The following COL1A2 variants were observed in gnomAD, a reference collection of about 807,000 sequenced individuals.
COL1A2 encodes collagen alpha-2(I) chain.
A neutral mutation model predicts 174.3 loss-of-function variants in COL1A2; 49 were observed. The ratio of observed to expected loss-of-function variants is 0.28; its 90% CI spans 0.22 to 0.36. The LOEUF (loss-of-function observed/expected upper bound fraction) is 0.36. Ranked by LOEUF, COL1A2 falls within the 10% of genes least tolerant of loss-of-function variation. COL1A2 has a pLI of 1.00. For missense variants in COL1A2, 1,438 were observed against 1,822.7 expected, an observed-to-expected ratio of 0.79 and a Z score of 3.84; for synonymous variants, 655 against 606.6, an observed-to-expected ratio of 1.08 and a Z score of -1.17.
Position 94,430,477 on chromosome 7 carries a change from G to A in COL1A2, c.*84G>A. On this transcript the variant is annotated 3_prime_UTR_variant, in exon 52 of 52. Coordinates refer to ENST00000297268, the MANE Select transcript of COL1A2 (RefSeq NM_000089.4). ...TCTTCTTCTTCTTTTTTAACTGAAA[G>A]CTGAATCCTTCCATTTCTTCTGCAC... The A allele has an allele frequency of 1.7e-5, 24 of 1,416,020 alleles. No homozygotes were observed. The highest frequency in any genetic ancestry group is 2.4e-5 in the Non-Finnish European group (24 of 1,016,412). 87.7% of individuals were successfully genotyped at this position (1,416,020 alleles called of 1,614,324 possible).
At chr7:94,424,477 A>G (rs1220377152) in intron 41 of COL1A2, 34 bp downstream of exon 41, 3 of 1,581,202 alleles carry the variant, frequency 1.9e-6, no homozygotes, top group Admixed American at 1.7e-5. Context: ...CTCCATTAAC[A>G]TAAGAAAAGA....
intron 50 of COL1A2, 135 bp from the exon 51 acceptor site, chr7:94,429,053 G>GT: frequency 1.4e-6 from 1 of 730,904 alleles, no homozygotes; most frequent in Non-Finnish European, 2.2e-6. Context: ...TTCTTTAAAA[G>GT]TACCCTTTTC....
Position 94,408,763 on chromosome 7 carries a change from A to G in COL1A2, c.739-7A>G. On this transcript the variant is annotated splice_region_variant and splice_polypyrimidine_tract_variant and intron_variant, in intron 15 of 51. Coordinates refer to ENST00000297268, the MANE Select transcript of COL1A2 (RefSeq NM_000089.4). ...AAATTTCTTACCACCTTCTGCTTTG[A>G]TTTCAGGGTCCCATTGGGTCTGCTG... 6.2e-7 allele frequency: 1 copy of G among 1,613,546 alleles called. No homozygotes were observed. Among genetic ancestry groups the G allele is most frequent in the South Asian group, 1.1e-5 (1 of 91,050 alleles).
Position 94,413,080 on chromosome 7 carries a change from T to C in COL1A2, c.1504-3T>C. On this transcript the variant is annotated splice_region_variant and splice_polypyrimidine_tract_variant and intron_variant, in intron 25 of 51. Transcript: ENST00000297268. ...TTTGTTTTGTTTTTCATTTTTACTCTAGGGTGATCCTGGCAAAAACGGTGA... is the reference window on the plus strand; with the variant it reads ...TTTGTTTTGTTTTTCATTTTTACTCCAGGGTGATCCTGGCAAAAACGGTGA... 6.2e-7 allele frequency: 1 copy of C among 1,614,086 alleles called. No individual in the cohort carries two copies. The highest frequency in any genetic ancestry group is 8.5e-7 in the Non-Finnish European group (1 of 1,179,926).
chr7:94,414,257 T>C lies in COL1A2; in HGVS notation c.1701T>C (p.Val567=), dbSNP rs1308326487. 1 of 1,614,202 alleles carries C rather than the reference T, an allele frequency of 6.2e-7. No homozygotes were observed. Among genetic ancestry groups the C allele is most frequent in the Admixed American group, 1.7e-5 (1 of 60,032 alleles). ...GCCCCTCAGGTCCCGCTGGTGAAGT[T>C]GGCAAACCAGGAGAAAGGGTGAGTA... The part of the protein sequence containing the change: ...LPGPSGPAGE[V]GKPGERGLHG... The change falls in exon 29 of 52, where the codon GTT becomes GTC. Residue 567 remains valine (V), a synonymous_variant. Coordinates refer to ENST00000297268, the MANE Select transcript of COL1A2 (RefSeq NM_000089.4).
At chr7:94,413,054 C>T in intron 25 of COL1A2, 29 bp from the exon 26 acceptor site, 2 of 1,609,950 alleles carry the variant, frequency 1.2e-6, no homozygotes, top group East Asian at 2.2e-5. Context: ...CAAAGCTGTT[C>T]TTTGTTTTGT....
chr7:94,417,700 G>T, intron 31 of COL1A2, 24 bp from the exon 32 acceptor site: 2 of 1,547,510 alleles, frequency 1.3e-6, no homozygotes, highest in Non-Finnish European at 1.8e-6. Context: ...CACTAAAATT[G>T]ATTTCACATG....
chr7:94,426,347 T>A (rs1252066306), intron 45 of COL1A2, 76 bp from the exon 46 acceptor site: 1 of 1,286,510 alleles, frequency 7.8e-7, no homozygotes, highest in Non-Finnish European at 1.1e-6. Context: ...GTAAACGAAT[T>A]AAGCAGTATT....
In COL1A2 at chr7:94,395,081, T is replaced by C; in HGVS notation, c.50T>C (p.Leu17Ser). 1 of 1,614,066 alleles carries C rather than the reference T, an allele frequency of 6.2e-7. No homozygotes were observed. Among genetic ancestry groups the C allele is most frequent in the Non-Finnish European group, 8.5e-7 (1 of 1,179,976 alleles). Residue 17 changes from leucine to serine, a missense_variant, in exon 1 of 52, where the codon TTA (leucine) becomes TCA (serine). Transcript: ENST00000297268. Reference sequence around the variant, plus strand: ...ACTTTGTTGCTGCTTGCAGTAACCTTATGCCTAGCAACATGCCAATGTAAG... The same window carrying C: ...ACTTTGTTGCTGCTTGCAGTAACCTCATGCCTAGCAACATGCCAATGTAAG... ...TRTLLLLAVTLCLATCQSLQE... is the reference protein window; with the variant it reads ...TRTLLLLAVTSCLATCQSLQE...
intron 37 of COL1A2, 171 bp downstream of exon 37, chr7:94,420,819 A>G: frequency 1.1e-6 from 1 of 897,556 alleles, no homozygotes; most frequent in Non-Finnish European, 1.8e-6. Flanking sequence ...AAGTTTCATG[A>G]ATATTGTTTT....
chr7:94,418,603 T>C, intron 33 of COL1A2, 51 bp downstream of exon 33: 2 of 1,445,800 alleles, frequency 1.4e-6, no homozygotes, highest in East Asian at 4.9e-5. Flanking sequence ...TTTTTTTTTA[T>C]GTTTGAATTG....
At chr7:94,412,538 G>A in intron 24 of COL1A2, 46 bp from the exon 25 acceptor site, 1 of 1,463,056 alleles carries the variant, frequency 6.8e-7, no homozygotes, top group Non-Finnish European at 9.5e-7. Context: ...TTGAGGTTGT[G>A]AGAATATGTT....
chr7:94,414,144 C>A, intron 28 of COL1A2, 78 bp from the exon 29 acceptor site: 1 of 1,495,698 alleles, frequency 6.7e-7, no homozygotes, highest in Non-Finnish European at 9.3e-7. Flanking sequence ...TTGGTAGCCA[C>A]CACCCCCAAA....
chr7:94,412,201 A>G lies in COL1A2; in HGVS notation c.1404+80A>G, dbSNP rs1289349443. The G allele has an allele frequency of 3.5e-6, 4 of 1,156,210 alleles. No individual in the cohort carries two copies. In the African/African-American group the frequency reaches 6.1e-5, roughly 18 times the overall value. The allele number at this position is 1,156,210 out of a possible 1,614,324, so 71.6% of individuals were successfully genotyped here. ...CAAGTCTATTTTGTGGCTTATTTAT[A>G]CATGAACACATTGAAAATAAATATC... On this transcript the variant is annotated intron_variant, in intron 24 of 51. Transcript: ENST00000297268.
chr7:94,430,431 A>G lies in COL1A2; in HGVS notation c.*38A>G. 6 of 1,603,170 alleles carry G rather than the reference A, an allele frequency of 3.7e-6. No individual in the cohort carries two copies. Among genetic ancestry groups the G allele is most frequent in the South Asian group, 1.1e-5 (1 of 89,578 alleles). On this transcript the variant is annotated 3_prime_UTR_variant, in exon 52 of 52. Transcript: ENST00000297268. ...TAAATTAAAAAAGAAAGAAATTTGA[A>G]AAAACTTTCTCTTTGCCATTTCTTC...
intron 46 of COL1A2, 60 bp downstream of exon 46, chr7:94,426,590 G>GATTTTCAT: frequency 1.5e-6 from 2 of 1,291,362 alleles, no homozygotes; most frequent in Non-Finnish European, 2.2e-6. Flanking sequence ...AGCTCAGAAG[G>GATTTTCAT]ATTTTCATAT....
intron 48 of COL1A2, 115 bp downstream of exon 48, chr7:94,427,410 C>A: frequency 1.8e-6 from 2 of 1,136,528 alleles, no homozygotes; most frequent in Non-Finnish European, 2.6e-6. Context: ...TTCAATATAT[C>A]CTCTAAAATA....
In COL1A2 at chr7:94,395,083, T is replaced by C. The variant is rs200278401; in HGVS notation, c.52T>C (p.Cys18Arg). The change falls in exon 1 of 52, where the codon TGC becomes CGC. Residue 18 changes from cysteine (C) to arginine (R), a missense_variant. Physicochemically the swap from Cys to Arg is radical, Grantham distance 180. Around this residue, in one of 3 missense-constraint regions of COL1A2, gnomAD observed 281 missense variants for 310.9 expected, o/e 0.90. Coordinates refer to ENST00000297268, the MANE Select transcript of COL1A2 (RefSeq NM_000089.4). ...RTLLLLAVTLCLATCQSLQEE... is the reference protein window; with the variant it reads ...RTLLLLAVTLRLATCQSLQEE... ...TTTGTTGCTGCTTGCAGTAACCTTA[T>C]GCCTAGCAACATGCCAATGTAAGTG... The C allele has an allele frequency of 5.3e-5, 86 of 1,613,962 alleles. No individual in the cohort carries two copies. The highest frequency in any genetic ancestry group is 4.9e-4 in the Middle Eastern group (3 of 6,084).
chr7:94,401,317 C>T (rs1407732116), intron 5 of COL1A2, among the ~76,000 whole-genome samples: 1 of 152,020 alleles, frequency 6.6e-6, no homozygotes, highest in Non-Finnish European at 1.5e-5. Context: ...AGAGGAAGGG[C>T]TCAAAAAGTA....
Sources: gnomAD v4.1 joint callset for allele counts (sites outside exome capture counted in the v4.1 genomes callset) on GRCh38, gnomAD v4.1.1 for gene constraint, gnomAD v4.1.1 regional missense constraint, MANE v1.5 for transcripts, NCBI Gene and HGNC (gene_info 2026-07-23, HGNC 2026-07-21) for gene names.